The following GPM6A variants were observed in gnomAD, a reference collection of about 807,000 sequenced individuals.
GPM6A encodes the protein neuronal membrane glycoprotein M6-a.
A neutral mutation model predicts 32.1 loss-of-function variants in GPM6A; 7 were observed. That is an observed-to-expected ratio of 0.22 (90% CI 0.12 to 0.41). The LOEUF (loss-of-function observed/expected upper bound fraction) is 0.41, where lower values mean the gene tolerates loss of function less well. Among genes scored for constraint, GPM6A ranks in the 10% least tolerant of loss-of-function variants. The pLI is 1.00. For missense variants in GPM6A, 235 were observed against 347.2 expected (o/e 0.68, Z 2.57); for synonymous variants, 130 against 123.4 (o/e 1.05, Z -0.35).
chr4:175,782,733 T>TTGGACA (rs1417851959), intron 1 of GPM6A, among the ~76,000 whole-genome samples: 4 of 152,126 alleles, frequency 2.6e-5, no homozygotes, highest in Admixed American at 2.6e-4. Flanking sequence ...ACCTTATTTA[T>TTGGACA]TGGACATAGC....
chr4:175,935,481 AC>A (rs1156765678), intron 1 of GPM6A, among the ~76,000 whole-genome samples: 13 of 152,198 alleles, frequency 8.5e-5, no homozygotes, highest in African/African-American at 2.9e-4. Context: ...CTCTACTGCC[AC>A]CTCTAACCCA....
chr4:175,677,080 A>G (rs76449378), intron 2 of GPM6A, among the ~76,000 whole-genome samples: 4,254 of 152,278 alleles, frequency 0.028, 105 homozygotes, highest in South Asian at 0.1. Flanking sequence ...AGATTCATCA[A>G]TGTAATTTTA....
At chr4:175,663,696 T>A (rs539618023) in intron 3 of GPM6A, among the ~76,000 whole-genome samples, 386 of 93,322 alleles carry the variant, frequency 4.1e-3, no homozygotes, top group Middle Eastern at 0.031. Context: ...AAATGTAAAT[T>A]TTTTTTTTTT....
rs569277617 is a variant in GPM6A, at chr4:175,794,585, G to C, written c.37+17606C>G. ...AGCATAGCATAGAAATAGAAAAAATGAAGCTGATAATTCAAGGAGCTGCAT... is the reference window on the plus strand; with the variant it reads ...AGCATAGCATAGAAATAGAAAAAATCAAGCTGATAATTCAAGGAGCTGCAT... On this transcript the variant is annotated intron_variant, in intron 1 of 6. Transcript: ENST00000393658. Among the ~76,000 whole-genome samples the C allele has an allele frequency of 3.9e-5, 6 of 152,286 alleles. No homozygotes were observed. In the East Asian group the frequency reaches 1.2e-3, roughly 29 times the overall value.
chr4:175,716,232 C>T (rs1745835434), intron 1 of GPM6A, among the ~76,000 whole-genome samples: 1 of 152,118 alleles, frequency 6.6e-6, no homozygotes, highest in Non-Finnish European at 1.5e-5. Context: ...TAGCTTCAAA[C>T]CCTCCACCAT....
At chr4:175,731,369 C>T (rs148127477) in intron 1 of GPM6A, among the ~76,000 whole-genome samples, 1 of 152,122 alleles carries the variant, frequency 6.6e-6, no homozygotes, top group Non-Finnish European at 1.5e-5. Flanking sequence ...ACTTACTGAA[C>T]TTCTACACTT....
chr4:175,775,544 A>G (rs1366649195), intron 1 of GPM6A, among the ~76,000 whole-genome samples: 1 of 152,060 alleles, frequency 6.6e-6, no homozygotes, highest in African/African-American at 2.4e-5. Flanking sequence ...CCTATCCACT[A>G]TTAGTTATTT....
chr4:175,746,818 T>C (rs1361144710), intron 1 of GPM6A, among the ~76,000 whole-genome samples: 1 of 152,190 alleles, frequency 6.6e-6, no homozygotes, highest in Non-Finnish European at 1.5e-5. Context: ...TTTATCTCTG[T>C]GGATTATCAA....
chr4:175,766,861 G>T (rs1732991105), intron 1 of GPM6A, among the ~76,000 whole-genome samples: 1 of 151,902 alleles, frequency 6.6e-6, no homozygotes, highest in South Asian at 2.1e-4. Flanking sequence ...CACCATGTTG[G>T]CCAGGCTGGT....
Position 175,970,453 on chromosome 4 carries a change from C to T in GPM6A, c.-23+31856G>A, listed in dbSNP as rs1204954422. Among the ~76,000 whole-genome samples the T allele has an allele frequency of 6.6e-5, 10 of 152,034 alleles. 1 individual carries two copies. The highest frequency in any genetic ancestry group is 2.0e-4 in the Admixed American group (3 of 15,276). On this transcript the variant is annotated intron_variant, in intron 1 of 7. Coordinates refer to the GPM6A transcript ENST00000280187. ...AACAATAACAATAGACTTTGTAATA[C>T]GTTTGGTTTGTTCGTGTGTGTGTGT...
At chr4:175,772,792 GAGAGAC>G (rs1158334845) in intron 1 of GPM6A, among the ~76,000 whole-genome samples, 3 of 151,890 alleles carry the variant, frequency 2.0e-5, no homozygotes, top group Non-Finnish European at 4.4e-5. Context: ...AAAATACAAA[GAGAGAC>G]AGAGAGAGAA....
At chr4:175,809,364 A>C (rs1447000045) in intron 1 of GPM6A, among the ~76,000 whole-genome samples, 1 of 151,452 alleles carries the variant, frequency 6.6e-6, no homozygotes, top group Admixed American at 6.6e-5. Context: ...CCAAATTCAA[A>C]ACACTCTTTT....
chr4:175,775,502 T>C (rs1445049364), intron 1 of GPM6A, among the ~76,000 whole-genome samples: 3 of 152,144 alleles, frequency 2.0e-5, no homozygotes, highest in Non-Finnish European at 2.9e-5. Context: ...ACTCAAATGT[T>C]GTTTCATTCT....
At chr4:175,954,426 G>C (rs1739918309) in intron 1 of GPM6A, among the ~76,000 whole-genome samples, 1 of 152,182 alleles carries the variant, frequency 6.6e-6, no homozygotes, top group Non-Finnish European at 1.5e-5. Flanking sequence ...GAGTTTCCTT[G>C]TCTTTCTGTG....
intron 1 of GPM6A, chr4:175,960,781 T>C (rs575780843): frequency 1.3e-5 from 2 of 152,280 alleles, no homozygotes; most frequent in South Asian, 4.1e-4. Context: ...GAAAACAAAA[T>C]TACACAAGAT....
chr4:175,813,962 C>G (rs1303018439), upstream of GPM6A, among the ~76,000 whole-genome samples: 1 of 151,278 alleles, frequency 6.6e-6, no homozygotes, highest in Non-Finnish European at 1.5e-5. Flanking sequence ...GAGAGAGCTG[C>G]TTGCTCAGTG....
chr4:175,812,300 GGTTTTTTTTTTTTTT>G (rs1734956988), upstream of GPM6A: 1 of 417,982 alleles, frequency 2.4e-6, no homozygotes, highest in African/African-American at 6.2e-5. Flanking sequence ...AAAAACTGGG[GGTTTTTTTTTTTTTT>G]TTTTTTTTTT....
At chr4:175,967,542 A>G (rs911286789) in intron 1 of GPM6A, among the ~76,000 whole-genome samples, 2 of 152,214 alleles carry the variant, frequency 1.3e-5, no homozygotes, top group African/African-American at 4.8e-5. Flanking sequence ...GAATCAACAA[A>G]TTACTAAATT....
intron 1 of GPM6A, among the ~76,000 whole-genome samples, chr4:175,861,872 T>C (rs1736585884): frequency 6.6e-6 from 1 of 151,980 alleles, no homozygotes; most frequent in African/African-American, 2.4e-5. Flanking sequence ...ATTTATAATG[T>C]ATTATATCTT....
Sources: allele counts gnomAD v4.1 joint callset (sites outside exome capture counted in the v4.1 genomes callset), GRCh38; gene constraint gnomAD v4.1.1; transcripts MANE v1.5; gene names NCBI Gene and HGNC (gene_info 2026-07-23, HGNC 2026-07-21).